The following ZDHHC17 variants were observed in gnomAD, a reference collection of about 807,000 sequenced individuals.
ZDHHC17 encodes the protein zDHHC palmitoyltransferase 17.
Under a neutral mutation model 90.3 loss-of-function variants are expected in ZDHHC17, and 40 were observed. The observed-to-expected ratio is 0.44, with a 90% CI of 0.34 to 0.58. The LOEUF is 0.58. Ranked by LOEUF, ZDHHC17 falls within the 20% of genes least tolerant of loss-of-function variation. The pLI, the probability that ZDHHC17 is intolerant of heterozygous loss-of-function variation, is 0.01. For missense variants in ZDHHC17, 614 were observed against 780.8 expected (o/e 0.79, Z 2.55); for synonymous variants, 235 against 252.4 (o/e 0.93, Z 0.65).
At chr12:76,788,059 C>CTGG (rs971114189) in intron 1 of ZDHHC17, among the ~76,000 whole-genome samples, 1 of 152,120 alleles carries the variant, frequency 6.6e-6, no homozygotes, top group African/African-American at 2.4e-5. Flanking sequence ...GTACTCTAGC[C>CTGG]TGGGCAACAT....
intron 10 of ZDHHC17, among the ~76,000 whole-genome samples, chr12:76,834,697 A>G (rs1307794990): frequency 6.6e-6 from 1 of 152,232 alleles, no homozygotes. Flanking sequence ...TCTATAATTT[A>G]CATTCTCAAT....
chr12:76,823,101 G>A lies in ZDHHC17; in HGVS notation c.897+570G>A, dbSNP rs183114846. ...ATATGAAATTATTTAAATCTCCATC[G>A]GCTACTCGTGTACATTTTGGTTCAT... On this transcript the variant is annotated intron_variant, in intron 8 of 16. Coordinates refer to ENST00000426126, the MANE Select transcript of ZDHHC17 (RefSeq NM_015336.4). Among the ~76,000 whole-genome samples, 293 of 152,106 alleles carry A rather than the reference G, an allele frequency of 1.9e-3. 1 individual carries two copies. The highest frequency in any genetic ancestry group is 4.6e-3 in the African/African-American group (190 of 41,486).
At chr12:76,806,418 A>AT (rs1211370474) in intron 3 of ZDHHC17, among the ~76,000 whole-genome samples, 1 of 152,148 alleles carries the variant, frequency 6.6e-6, no homozygotes, top group African/African-American at 2.4e-5. Context: ...AGTTGGGATT[A>AT]TAGGCGGGTG....
chr12:76,802,299 A>T (rs985675612), intron 2 of ZDHHC17, among the ~76,000 whole-genome samples: 1 of 152,174 alleles, frequency 6.6e-6, no homozygotes, highest in Non-Finnish European at 1.5e-5. Flanking sequence ...AAAGTTTCTG[A>T]TGAGAAATCT....
intron 1 of ZDHHC17, 62 bp from the exon 2 acceptor site, chr12:76,797,372 T>C (rs1952832229): frequency 2.5e-6 from 3 of 1,188,434 alleles, no homozygotes; most frequent in Non-Finnish European, 2.3e-6. Context: ...CTATAAAATA[T>C]AGAAATATTT....
chr12:76,795,009 T>C lies in ZDHHC17; in HGVS notation c.94-2425T>C, dbSNP rs150538176. On this transcript the variant is annotated intron_variant, in intron 1 of 16. Transcript: ENST00000426126. The stretch of plus-strand genomic sequence containing the variant: ...TTGCCCTCATCTGTGTTTTTACTTA[T>C]TATTGGAAGGCTCTTGCTTATAATA... 9.8e-5 allele frequency among the ~76,000 whole-genome samples: 15 copies of C among 152,362 alleles called. 1 individual carries two copies. The highest frequency in any genetic ancestry group is 3.1e-4 in the African/African-American group (13 of 41,594).
chr12:76,764,424 G>A, intron 1 of ZDHHC17, 95 bp downstream of exon 1: 1 of 1,223,868 alleles, frequency 8.2e-7, no homozygotes, highest in Non-Finnish European at 1.1e-6. Flanking sequence ...GTGTGGGGTA[G>A]TGGGACGTGC....
chr12:76,798,729 A>G (rs565460483), intron 2 of ZDHHC17, among the ~76,000 whole-genome samples: 1 of 152,164 alleles, frequency 6.6e-6, no homozygotes, highest in African/African-American at 2.4e-5. Context: ...CTTTACAATC[A>G]TGGTGGGAGG....
chr12:76,797,062 A>G (rs1952828318), intron 1 of ZDHHC17, among the ~76,000 whole-genome samples: 1 of 151,998 alleles, frequency 6.6e-6, no homozygotes, highest in South Asian at 2.1e-4. Context: ...CAGGAGATGG[A>G]GACCATCCTG....
intron 1 of ZDHHC17, among the ~76,000 whole-genome samples, chr12:76,795,579 A>C (rs1952810099): frequency 6.6e-6 from 1 of 152,128 alleles, no homozygotes; most frequent in Non-Finnish European, 1.5e-5. Context: ...GAAAATTTAG[A>C]AATAAGAAAG....
At chr12:76,774,396 G>A (rs1952534867) in intron 1 of ZDHHC17, among the ~76,000 whole-genome samples, 1 of 151,866 alleles carries the variant, frequency 6.6e-6, no homozygotes, top group African/African-American at 2.4e-5. Flanking sequence ...GTCTCTTGTT[G>A]AAATAACCCT....
At chr12:76,808,037 T>C (rs1452068064) in intron 3 of ZDHHC17, among the ~76,000 whole-genome samples, 2 of 152,220 alleles carry the variant, frequency 1.3e-5, no homozygotes, top group East Asian at 1.9e-4. Context: ...TAGAGTGGAA[T>C]TGGGCCCTTC....
chr12:76,848,474 A>G, intron 15 of ZDHHC17, 84 bp downstream of exon 15: 2 of 1,352,816 alleles, frequency 1.5e-6, no homozygotes, highest in South Asian at 1.4e-5. Flanking sequence ...TTCTCTTCCT[A>G]ACCACTCCTG....
intron 2 of ZDHHC17, among the ~76,000 whole-genome samples, chr12:76,804,838 C>G (rs1238389757): frequency 1.3e-5 from 2 of 152,166 alleles, no homozygotes. Flanking sequence ...GTCTCACTTT[C>G]GCCTTTCCTC....
chr12:76,809,187 A>C (rs1952991138), intron 4 of ZDHHC17, 67 bp downstream of exon 4: 29 of 1,100,042 alleles, frequency 2.6e-5, no homozygotes, highest in Middle Eastern at 3.0e-4. Flanking sequence ...ACAACTTTAA[A>C]AAAATGATAT....
intron 1 of ZDHHC17, among the ~76,000 whole-genome samples, chr12:76,788,503 T>G (rs968275478): frequency 6.6e-6 from 1 of 152,010 alleles, no homozygotes; most frequent in Non-Finnish European, 1.5e-5. Flanking sequence ...AAAGCATAAA[T>G]GAACAGTTCT....
chr12:76,813,155 T>G (rs767720730), intron 5 of ZDHHC17, among the ~76,000 whole-genome samples: 5 of 152,122 alleles, frequency 3.3e-5, no homozygotes, highest in Non-Finnish European at 5.9e-5. Flanking sequence ...AAGGAGAAAC[T>G]TAAACATAAG....
chr12:76,783,066 C>CA (rs1292183198), intron 1 of ZDHHC17, among the ~76,000 whole-genome samples: 4 of 152,130 alleles, frequency 2.6e-5, no homozygotes, highest in Non-Finnish European at 5.9e-5. Context: ...GAAGAGGGCT[C>CA]AGAGGAGGCT....
intron 3 of ZDHHC17, 64 bp downstream of exon 3, chr12:76,805,503 A>G (rs1952945368): frequency 7.8e-7 from 1 of 1,281,452 alleles, no homozygotes. Context: ...AATTAATAGA[A>G]GTAATTGTTA....
Sources: gnomAD v4.1 joint callset for allele counts (sites outside exome capture counted in the v4.1 genomes callset) on GRCh38, gnomAD v4.1.1 for gene constraint, MANE v1.5 for transcripts, NCBI Gene and HGNC (gene_info 2026-07-23, HGNC 2026-07-21) for gene names.